The following KCNK1 variants were observed in gnomAD, a reference collection of about 807,000 sequenced individuals.
KCNK1 encodes the protein potassium channel subfamily K member 1.
A neutral mutation model predicts 22.2 loss-of-function variants in KCNK1; 10 were observed. The observed-to-expected ratio is 0.45, with a 90% CI of 0.28 to 0.76. The LOEUF is 0.76. Ranked by LOEUF, KCNK1 falls within the 30% of genes least tolerant of loss-of-function variation. KCNK1 has a pLI of 0.14. For synonymous variants in KCNK1, 200 were observed against 186.4 expected, an observed-to-expected ratio of 1.07 and a Z score of -0.60; for missense variants, 378 against 421.0, an observed-to-expected ratio of 0.90 and a Z score of 0.89.
chr1:233,614,274 G>T lies in KCNK1; in HGVS notation c.103G>T (p.Val35Phe), dbSNP rs988331340. Residue 35 changes from valine (V) to phenylalanine (F), a missense_variant, in exon 1 of 3, where the codon GTC becomes TTC. Val to Phe is a conservative substitution (Grantham distance 50). Transcript: ENST00000366621. The stretch of plus-strand genomic sequence containing the variant: ...GGTGCTGGGCTACTTGCTCTACCTG[G>T]TCTTCGGCGCAGTGGTCTTCTCCTC... ...FLVLGYLLYL[V>F]FGAVVFSSVE... 1.2e-6 allele frequency: 2 copies of T among 1,613,468 alleles called. No homozygotes were observed. The highest frequency in any genetic ancestry group is 1.7e-5 in the Admixed American group (1 of 59,992).
chr1:233,628,367 T>G (rs762406316), intron 1 of KCNK1, among the ~76,000 whole-genome samples: 1 of 152,180 alleles, frequency 6.6e-6, no homozygotes, highest in Non-Finnish European at 1.5e-5. Context: ...ATTTGAGTGA[T>G]GAGTTCATGA....
chr1:233,666,808 T>C lies in KCNK1; in HGVS notation c.569T>C (p.Val190Ala), dbSNP rs745835780. 7.4e-6 allele frequency: 12 copies of C among 1,614,104 alleles called. No individual in the cohort carries two copies. The Admixed American group carries it at 8.3e-5, about 11-fold the overall frequency. The change falls in exon 2 of 3, where the codon GTC becomes GCC. Residue 190 changes from valine to alanine, a missense_variant. Val to Ala is a moderately conservative substitution (Grantham distance 64). Coordinates refer to ENST00000366621, the MANE Select transcript of KCNK1 (RefSeq NM_002245.4). ...AIVHAVLLGF[V>A]TVSCFFFIPA... ...GTCCATGCCGTGCTCCTTGGGTTTG[T>C]CACTGTGTCCTGCTTCTTCTTCATC...
chr1:233,614,411 C>T lies in KCNK1; in HGVS notation c.240C>T (p.Gly80=), dbSNP rs1236909112. 3 of 1,612,196 alleles carry T rather than the reference C, an allele frequency of 1.9e-6. No individual in the cohort carries two copies. Among genetic ancestry groups the T allele is most frequent in the Middle Eastern group, 1.7e-4 (1 of 6,050 alleles). The change falls in exon 1 of 3, where the codon GGC becomes GGT. Residue 80 remains glycine, a synonymous_variant. Transcript: ENST00000366621. ...LSEQQLEQFL[G]RVLEASNYGV... ...AGCAGCAGCTGGAGCAGTTCCTGGG[C>T]CGGGTGCTGGAGGCCAGCAACTACG...
chr1:233,641,218 C>T (rs1311354510), intron 1 of KCNK1, among the ~76,000 whole-genome samples: 3 of 152,160 alleles, frequency 2.0e-5, no homozygotes, highest in African/African-American at 4.8e-5. Flanking sequence ...TTCTGCCTGT[C>T]GGAGGGCTGA....
Position 233,614,206 on chromosome 1 carries a change from G to T in KCNK1, c.35G>T (p.Arg12Leu). 2.5e-6 allele frequency: 4 copies of T among 1,609,268 alleles called. No homozygotes were observed. The highest frequency in any genetic ancestry group is 2.2e-5 in the East Asian group (1 of 44,812). Residue 12 changes from arginine (R) to leucine (L), a missense_variant, in exon 1 of 3, where the codon CGC becomes CTC. By Grantham distance (102) the Arg-to-Leu change is moderately radical. Coordinates refer to ENST00000366621, the MANE Select transcript of KCNK1 (RefSeq NM_002245.4). ...TCCCTGGCCGGCAGCTCGTGCGTGC[G>T]CCTGGTGGAGCGGCACCGCTCGGCC... ...LQSLAGSSCV[R>L]LVERHRSAWC...
chr1:233,617,490 G>C (rs1473347674), intron 1 of KCNK1, among the ~76,000 whole-genome samples: 1 of 152,130 alleles, frequency 6.6e-6, no homozygotes, highest in East Asian at 1.9e-4. Flanking sequence ...CAAGATAAAA[G>C]CACACACATT....
At chr1:233,638,923 C>T (rs1016411008) in intron 1 of KCNK1, among the ~76,000 whole-genome samples, 3 of 152,074 alleles carry the variant, frequency 2.0e-5, no homozygotes, top group Non-Finnish European at 4.4e-5. Flanking sequence ...CCCACTACCT[C>T]GGGGTAAATG....
intron 1 of KCNK1, chr1:233,631,279 A>T (rs1657786522): frequency 1.9e-6 from 1 of 531,610 alleles, no homozygotes; most frequent in South Asian, 1.4e-5. Flanking sequence ...CAACATCAAG[A>T]TATGAAAGGT....
intron 1 of KCNK1, among the ~76,000 whole-genome samples, chr1:233,624,998 T>A (rs952893175): frequency 2.6e-5 from 4 of 152,146 alleles, no homozygotes; most frequent in Admixed American, 2.6e-4. Context: ...CTCTGAAGTT[T>A]CACTGAAAAT....
chr1:233,656,740 T>A (rs10910238), intron 1 of KCNK1, among the ~76,000 whole-genome samples: 1 of 152,084 alleles, frequency 6.6e-6, no homozygotes, highest in Non-Finnish European at 1.5e-5. Context: ...CACCTCAGCC[T>A]CCCGAATAGC....
chr1:233,659,402 A>G (rs934162936), intron 1 of KCNK1, among the ~76,000 whole-genome samples: 1 of 149,896 alleles, frequency 6.7e-6, no homozygotes, highest in Non-Finnish European at 1.5e-5. Context: ...GCTGGTTTAC[A>G]TTTGACATTT....
intron 1 of KCNK1, among the ~76,000 whole-genome samples, chr1:233,665,531 A>G (rs934252577): frequency 6.6e-6 from 1 of 152,254 alleles, no homozygotes; most frequent in Non-Finnish European, 1.5e-5. Context: ...TTTCACAACA[A>G]ACAAAGTAAC....
At chr1:233,614,870 C>T (rs1657459127) in intron 1 of KCNK1, among the ~76,000 whole-genome samples, 1 of 152,170 alleles carries the variant, frequency 6.6e-6, no homozygotes, top group Admixed American at 6.5e-5. Flanking sequence ...CCCTTGAGTT[C>T]TTTTTTCGCA....
At chr1:233,670,074 T>C (rs2102913696) in intron 2 of KCNK1, among the ~76,000 whole-genome samples, 1 of 152,354 alleles carries the variant, frequency 6.6e-6, no homozygotes, top group South Asian at 2.1e-4. Flanking sequence ...AGAATTTTTG[T>C]TATTCTTGGA....
chr1:233,631,416 A>G, intron 1 of KCNK1: 2 of 420,926 alleles, frequency 4.8e-6, no homozygotes, highest in Admixed American at 2.6e-5. Flanking sequence ...TTTTAAGCTC[A>G]ACGGTTATCA....
intron 1 of KCNK1, among the ~76,000 whole-genome samples, chr1:233,640,433 G>A (rs931768556): frequency 1.3e-4 from 20 of 152,262 alleles, no homozygotes; most frequent in Middle Eastern, 3.4e-3. Flanking sequence ...GAATTCAGCG[G>A]ACTCATTATA....
In KCNK1 at chr1:233,655,995, G is replaced by A. The variant is rs977209888; in HGVS notation, c.356-10600G>A. On this transcript the variant is annotated intron_variant, in intron 1 of 2. Transcript: ENST00000366621. ...TGCTTCTCATCATTTTCAGTTAATC[G>A]TAAAGCATTCTACTTTTGTGGATTT... 4.6e-5 allele frequency among the ~76,000 whole-genome samples: 7 copies of A among 152,136 alleles called. 1 individual carries two copies. The South Asian group carries it at 1.2e-3, about 27-fold the overall frequency.
At chr1:233,669,749 T>A (rs1158028388) in intron 2 of KCNK1, among the ~76,000 whole-genome samples, 1 of 152,130 alleles carries the variant, frequency 6.6e-6, no homozygotes, top group Non-Finnish European at 1.5e-5. Context: ...TAAGCCAACA[T>A]CATGCCACTG....
intron 1 of KCNK1, among the ~76,000 whole-genome samples, chr1:233,627,636 G>A (rs1657713586): frequency 6.6e-6 from 1 of 152,140 alleles, no homozygotes; most frequent in South Asian, 2.1e-4. Flanking sequence ...GGGTGCGGAT[G>A]AGCTGAGCCG....
Sources: gnomAD v4.1 joint callset for allele counts (sites outside exome capture counted in the v4.1 genomes callset) on GRCh38, gnomAD v4.1.1 for gene constraint, MANE v1.5 for transcripts, NCBI Gene and HGNC (gene_info 2026-07-23, HGNC 2026-07-21) for gene names.